Variants in FHIT observed in about 807,000 individuals in gnomAD.
FHIT encodes bis(5'-adenosyl)-triphosphatase.
Under a neutral mutation model 17.9 loss-of-function variants are expected in FHIT, and 19 were observed. The observed-to-expected ratio is 1.06, with a 90% CI of 0.74 to 1.56. FHIT has a LOEUF of 1.56. FHIT is among the 40% of genes most tolerant of loss of function. The probability of loss-of-function intolerance (pLI) is 0.00; values close to 1 mark genes in which losing one functional copy is unlikely to be tolerated. For missense variants in FHIT, 248 were observed against 189.2 expected (o/e 1.31, Z -1.82); for synonymous variants, 81 against 69.7 (o/e 1.16, Z -0.81).
rs187889234 is a variant in FHIT, at chr3:60,493,335, C to A, written c.103+43525G>T. ...TCTAATAAGTAGAATCAGCCTATAT[C>A]CAAGGAAGATCATAACTCATTAAAT... is the stretch of plus-strand genomic sequence containing the variant. On this transcript the variant is annotated intron_variant, in intron 5 of 9. Transcript: ENST00000492590. Among the ~76,000 whole-genome samples the A allele has an allele frequency of 3.9e-3, 590 of 152,200 alleles. 1 individual carries two copies. The highest frequency in any genetic ancestry group is 0.014 in the African/African-American group (569 of 41,524).
chr3:60,663,834 T>A (rs1451601366), intron 4 of FHIT, among the ~76,000 whole-genome samples: 2 of 152,232 alleles, frequency 1.3e-5, no homozygotes, highest in East Asian at 3.8e-4. Context: ...CATGTAAAAA[T>A]ACGATTAACT....
chr3:60,516,321 C>G (rs1412150974), intron 5 of FHIT, among the ~76,000 whole-genome samples: 2 of 152,294 alleles, frequency 1.3e-5, no homozygotes, highest in African/African-American at 4.8e-5. Flanking sequence ...TGACAAATCT[C>G]TAATGAATGG....
At chr3:60,514,390 C>T (rs967044363) in intron 5 of FHIT, among the ~76,000 whole-genome samples, 1 of 152,226 alleles carries the variant, frequency 6.6e-6, no homozygotes, top group Non-Finnish European at 1.5e-5. Context: ...CTTGCACGCT[C>T]CCTCCCGTGG....
chr3:60,622,766 G>A (rs548596799), intron 4 of FHIT, among the ~76,000 whole-genome samples: 4 of 152,128 alleles, frequency 2.6e-5, no homozygotes, highest in Non-Finnish European at 5.9e-5. Flanking sequence ...CGCTAGAATC[G>A]CTCATGAAGT....
At chr3:61,237,209 G>C (rs959877140) in intron 1 of FHIT, among the ~76,000 whole-genome samples, 1 of 152,118 alleles carries the variant, frequency 6.6e-6, no homozygotes, top group Non-Finnish European at 1.5e-5. Flanking sequence ...AATGCTTTCA[G>C]TATTATGTAA....
At chr3:60,407,117 T>C (rs1444500628) in intron 5 of FHIT, among the ~76,000 whole-genome samples, 1 of 144,176 alleles carries the variant, frequency 6.9e-6, no homozygotes, top group Non-Finnish European at 1.5e-5. Flanking sequence ...TAGAATCTAC[T>C]TTTGTTTGCT....
chr3:60,910,220 T>C (rs1706665317), intron 3 of FHIT, among the ~76,000 whole-genome samples: 1 of 152,062 alleles, frequency 6.6e-6, no homozygotes, highest in African/African-American at 2.4e-5. Flanking sequence ...AGAGAAGGCT[T>C]TCCGAGATCT....
intron 8 of FHIT, among the ~76,000 whole-genome samples, chr3:59,817,562 T>TAAAAAAA (rs10691937): frequency 3.2e-5 from 3 of 93,806 alleles, no homozygotes; most frequent in Non-Finnish European, 5.9e-5. Flanking sequence ...CACCCGTCAC[T>TAAAAAAA]AAAAAAAAAA....
intron 2 of FHIT, among the ~76,000 whole-genome samples, chr3:61,123,762 T>C (rs1025389695): frequency 6.6e-5 from 10 of 152,120 alleles, no homozygotes; most frequent in African/African-American, 2.2e-4. Flanking sequence ...GTTCTAATTG[T>C]AGTGTTTGCC....
In FHIT at chr3:59,922,375, A is replaced by T. The variant is rs1242282957; in HGVS notation, c.319T>A (p.Phe107Ile). ...TCATAGATGCTGTCATTCCTGTGAAAGTCTCCAGCCTTCCTGGGAAGAACA... is the reference window on the plus strand; with the variant it reads ...TCATAGATGCTGTCATTCCTGTGAATGTCTCCAGCCTTCCTGGGAAGAACA... ...VHVLPRKAGD[F>I]HRNDSIYEEL... Residue 107 changes from phenylalanine (F) to isoleucine (I), a missense_variant, in exon 8 of 10, where the codon TTT becomes ATT. Phe to Ile is a conservative substitution (Grantham distance 21). Coordinates refer to ENST00000492590, the MANE Select transcript of FHIT (RefSeq NM_002012.4). 1.2e-6 allele frequency: 2 copies of T among 1,614,074 alleles called. No homozygotes were observed. Among genetic ancestry groups the T allele is most frequent in the Admixed American group, 3.3e-5 (2 of 59,994 alleles).
chr3:60,760,480 G>A (rs1245573590), intron 4 of FHIT, among the ~76,000 whole-genome samples: 2 of 152,246 alleles, frequency 1.3e-5, no homozygotes, highest in Non-Finnish European at 2.9e-5. Context: ...GTAGGGTCCT[G>A]CAGTAGGATT....
intron 5 of FHIT, among the ~76,000 whole-genome samples, chr3:60,332,954 A>T (rs1710058636): frequency 6.6e-6 from 1 of 152,190 alleles, no homozygotes; most frequent in African/African-American, 2.4e-5. Context: ...AAACTTTAGG[A>T]ACAATTTATT....
chr3:60,103,588 C>T (rs10510825), intron 5 of FHIT, among the ~76,000 whole-genome samples: 35,994 of 152,052 alleles, frequency 0.24, 4,423 homozygotes, highest in Middle Eastern at 0.34. Context: ...AGTTTATTTG[C>T]TCAGACACAT....
At chr3:60,854,733 C>A (rs1703305914) in intron 3 of FHIT, among the ~76,000 whole-genome samples, 1 of 152,088 alleles carries the variant, frequency 6.6e-6, no homozygotes, top group Non-Finnish European at 1.5e-5. Flanking sequence ...CAGAAAGTTC[C>A]ATCCAGTGAC....
At chr3:61,205,284 G>A (rs1576211267) in intron 1 of FHIT, among the ~76,000 whole-genome samples, 3 of 151,860 alleles carry the variant, frequency 2.0e-5, no homozygotes, top group South Asian at 2.1e-4. Context: ...ATAAACATAC[G>A]TGTGCATGTG....
intron 8 of FHIT, among the ~76,000 whole-genome samples, chr3:59,769,728 T>C (rs1701981844): frequency 8.6e-6 from 1 of 116,438 alleles, no homozygotes; most frequent in South Asian, 3.8e-4. Context: ...TGGACTAGTT[T>C]TGATTTTTTT....
intron 3 of FHIT, among the ~76,000 whole-genome samples, chr3:60,935,288 A>G (rs572049725): frequency 2.0e-5 from 3 of 152,328 alleles, no homozygotes; most frequent in Admixed American, 1.3e-4. Context: ...TCATTTATTC[A>G]TTCCCTAGCA....
rs185997598 is a variant in FHIT, at chr3:61,130,566, C to A, written c.-164+70051G>T. Among the ~76,000 whole-genome samples the A allele has an allele frequency of 9.2e-5, 14 of 152,184 alleles. No homozygotes were observed. In the East Asian group the frequency reaches 2.1e-3, roughly 23 times the overall value. On this transcript the variant is annotated intron_variant, in intron 2 of 9. Transcript: ENST00000492590. ...AGACTGGAAAAAGATAAATGTTCCC[C>A]CAGGCCCTCTCAAAAAAATAAAAAT...
intron 5 of FHIT, among the ~76,000 whole-genome samples, chr3:60,191,325 G>A (rs1407729465): frequency 3.9e-5 from 6 of 152,132 alleles, no homozygotes; most frequent in Non-Finnish European, 8.8e-5. Context: ...AAAAATAGCA[G>A]TATTTTCTGC....
Sources: gnomAD v4.1 joint callset for allele counts (sites outside exome capture counted in the v4.1 genomes callset) on GRCh38, gnomAD v4.1.1 for gene constraint, MANE v1.5 for transcripts, NCBI Gene and HGNC (gene_info 2026-07-23, HGNC 2026-07-21) for gene names.